Variants in ODAD2 observed in about 807,000 individuals in gnomAD.
The protein encoded by ODAD2 is outer dynein arm-docking complex subunit 2.
A neutral mutation model predicts 106.8 loss-of-function variants in ODAD2; 89 were observed. The observed-to-expected ratio is 0.83, with a 90% CI of 0.70 to 0.99. ODAD2 has a LOEUF of 0.99. Ranked by LOEUF, ODAD2 falls within the 50% of genes least tolerant of loss-of-function variation. The pLI, the probability that ODAD2 is intolerant of heterozygous loss-of-function variation, is 0.00. For synonymous variants in ODAD2, 404 were observed against 436.2 expected (o/e 0.93, Z 0.92); for missense variants, 1,168 against 1,238.5 (o/e 0.94, Z 0.85).
At chr10:27,984,106 T>G in intron 5 of ODAD2, 78 bp downstream of exon 5, 2 of 1,484,810 alleles carry the variant, frequency 1.3e-6, no homozygotes, top group Non-Finnish European at 1.9e-6. Context: ...TCTCTTGTAA[T>G]GTAGACATTG....
chr10:27,829,836 CTG>C (rs1223068335), intron 19 of ODAD2, among the ~76,000 whole-genome samples: 1 of 152,066 alleles, frequency 6.6e-6, no homozygotes, highest in Non-Finnish European at 1.5e-5. Context: ...CTGGCAAAGA[CTG>C]TGTTCATTTC....
chr10:27,848,105 C>A (rs1838929320), intron 19 of ODAD2, among the ~76,000 whole-genome samples: 1 of 152,178 alleles, frequency 6.6e-6, no homozygotes, highest in Non-Finnish European at 1.5e-5. Flanking sequence ...AAAGAGCCCA[C>A]ATTGCCATGA....
Position 27,929,062 on chromosome 10 carries a change from A to G in ODAD2, c.2495+5948T>C, listed in dbSNP as rs564778958. 3.3e-5 allele frequency among the ~76,000 whole-genome samples: 5 copies of G among 152,296 alleles called. No individual in the cohort carries two copies. In the East Asian group the frequency reaches 5.8e-4, roughly 18 times the overall value. On this transcript the variant is annotated intron_variant, in intron 16 of 19. Coordinates refer to ENST00000305242, the MANE Select transcript of ODAD2 (RefSeq NM_018076.5). ...CGTATGAACAAAATGGGATTGTACAAGGTGTTAAACAAGAAATTCGATTGT... is the reference window on the plus strand; with the variant it reads ...CGTATGAACAAAATGGGATTGTACAGGGTGTTAAACAAGAAATTCGATTGT...
chr10:27,848,515 T>C (rs898414715), intron 19 of ODAD2, among the ~76,000 whole-genome samples: 1 of 139,816 alleles, frequency 7.2e-6, no homozygotes, highest in African/African-American at 2.6e-5. Flanking sequence ...ACTTCATGTC[T>C]AAAACACCAA....
chr10:27,996,942 C>A (rs1850589002), intron 1 of ODAD2, among the ~76,000 whole-genome samples: 1 of 152,114 alleles, frequency 6.6e-6, no homozygotes, highest in Non-Finnish European at 1.5e-5. Context: ...TATTTTCTTT[C>A]ATTTTACAGT....
chr10:27,816,252 A>G (rs1020885740), intron 19 of ODAD2, among the ~76,000 whole-genome samples: 2 of 152,248 alleles, frequency 1.3e-5, no homozygotes, highest in Non-Finnish European at 2.9e-5. Flanking sequence ...AATTGCCTAA[A>G]TTGTGAAATT....
chr10:27,860,837 T>G lies in ODAD2; in HGVS notation c.2809A>C (p.Lys937Gln). 6.2e-7 allele frequency: 1 copy of G among 1,613,972 alleles called. No homozygotes were observed. Among genetic ancestry groups the G allele is most frequent in the Non-Finnish European group, 8.5e-7 (1 of 1,179,842 alleles). The change falls in exon 19 of 20, where the codon AAA (lysine) becomes CAA (glutamine). Residue 937 changes from lysine to glutamine, a missense_variant. Lys to Gln is a moderately conservative substitution (Grantham distance 53). Around this residue, in one of 3 missense-constraint regions of ODAD2, gnomAD observed 701 missense variants for 712.3 expected, o/e 0.98. Transcript: ENST00000305242. ...GCTTCTGCTAGATGATGTCTCAATT[T>G]ATTGTTATTCTGTGCAAGGGAAAAT... ...LSKLANTNNN[K>Q]LRHHLAEAIS...
chr10:27,944,177 T>A (rs370702766), intron 12 of ODAD2, 45 bp downstream of exon 12: 4 of 1,523,266 alleles, frequency 2.6e-6, no homozygotes, highest in East Asian at 2.4e-5. Context: ...CTGTGTGCAG[T>A]GGCGGCTGGC....
intron 19 of ODAD2, among the ~76,000 whole-genome samples, chr10:27,815,833 C>T (rs1836090035): frequency 6.6e-6 from 1 of 152,196 alleles, no homozygotes; most frequent in South Asian, 2.1e-4. Flanking sequence ...TCTATCTCCA[C>T]CCCAGAAACC....
chr10:27,885,682 ATATAT>A (rs1564466047), intron 17 of ODAD2, among the ~76,000 whole-genome samples: 2 of 14,648 alleles, frequency 1.4e-4, no homozygotes, highest in Non-Finnish European at 4.1e-4. Flanking sequence ...AATATATATA[ATATAT>A]AATATATAAT....
chr10:27,981,572 T>G lies in ODAD2; in HGVS notation c.830A>C (p.Asp277Ala). 6.5e-7 allele frequency: 1 copy of G among 1,544,168 alleles called. No individual in the cohort carries two copies. Among genetic ancestry groups the G allele is most frequent in the Non-Finnish European group, 8.6e-7 (1 of 1,157,728 alleles). The change falls in exon 7 of 20, where the codon GAT becomes GCT. Residue 277 changes from aspartate to alanine, a missense_variant. Transcript: ENST00000305242. ...CTCATAATTAACGTCCCCTTCATCA[T>G]CTGTTTTGCCCTTTGGGAAAAAACA... ...GGVFLNGGKT[D>A]DEGDVNYERK...
chr10:27,826,603 G>A (rs1043821995), intron 19 of ODAD2, among the ~76,000 whole-genome samples: 6 of 151,890 alleles, frequency 4.0e-5, no homozygotes, highest in African/African-American at 9.7e-5. Flanking sequence ...AAGTGCACCC[G>A]TCCTTTCCTC....
At chr10:27,890,503 T>C (rs369043170) in intron 17 of ODAD2, among the ~76,000 whole-genome samples, 1 of 152,164 alleles carries the variant, frequency 6.6e-6, no homozygotes, top group South Asian at 2.1e-4. Flanking sequence ...GAATAGGCAA[T>C]GCTTTTCGTT....
chr10:27,985,903 A>G (rs1849848575), intron 3 of ODAD2, among the ~76,000 whole-genome samples: 1 of 152,088 alleles, frequency 6.6e-6, no homozygotes, highest in African/African-American at 2.4e-5. Context: ...AATTTGGTTA[A>G]TGTCAAAAAC....
In ODAD2 at chr10:27,959,020, A is replaced by C. The variant is rs1001090476; in HGVS notation, c.1386+2548T>G. Reference sequence around the variant, plus strand: ...CCGGGACTCTTGGGAAAAACTCAGGACTCTCTTAATTCATCTTCTGAAAGA... The same window carrying C: ...CCGGGACTCTTGGGAAAAACTCAGGCCTCTCTTAATTCATCTTCTGAAAGA... On this transcript the variant is annotated intron_variant, in intron 10 of 19. Coordinates refer to ENST00000305242, the MANE Select transcript of ODAD2 (RefSeq NM_018076.5). 16 of 1,300,182 alleles carry C rather than the reference A, an allele frequency of 1.2e-5. No individual in the cohort carries two copies. In the African/African-American group the frequency reaches 2.0e-4, roughly 16 times the overall value. 80.5% of individuals were successfully genotyped at this position (1,300,182 alleles called of 1,614,324 possible).
chr10:27,951,900 C>A (rs2132712985), intron 10 of ODAD2, among the ~76,000 whole-genome samples: 1 of 151,690 alleles, frequency 6.6e-6, no homozygotes, highest in South Asian at 2.1e-4. Flanking sequence ...TATGGTGAAA[C>A]CCCATCTCTA....
At chr10:27,869,491 T>G (rs1474959097) in intron 17 of ODAD2, among the ~76,000 whole-genome samples, 2 of 151,766 alleles carry the variant, frequency 1.3e-5, no homozygotes, top group South Asian at 4.2e-4. Flanking sequence ...AAAAAATCTA[T>G]AATCAGCAAG....
intron 19 of ODAD2, among the ~76,000 whole-genome samples, chr10:27,829,464 C>G (rs757404823): frequency 6.6e-6 from 1 of 152,182 alleles, no homozygotes; most frequent in Non-Finnish European, 1.5e-5. Context: ...TCTTCAGAGT[C>G]TGTCTTGTCA....
intron 17 of ODAD2, among the ~76,000 whole-genome samples, chr10:27,901,425 C>G (rs1843191168): frequency 6.6e-6 from 1 of 152,150 alleles, no homozygotes; most frequent in African/African-American, 2.4e-5. Context: ...AAATAACCAG[C>G]TAGCATCAAA....
Sources: gnomAD v4.1 joint callset for allele counts (sites outside exome capture counted in the v4.1 genomes callset) on GRCh38, gnomAD v4.1.1 for gene constraint, gnomAD v4.1.1 regional missense constraint, MANE v1.5 for transcripts, NCBI Gene and HGNC (gene_info 2026-07-23, HGNC 2026-07-21) for gene names.